The following TYW1B variants were observed in gnomAD, a reference collection of about 807,000 sequenced individuals.
TYW1B encodes the protein tRNA-yW synthesizing protein 1 homolog B, also known as S-adenosyl-L-methionine-dependent tRNA 4-demethylwyosine synthase TYW1B.
In TYW1B, 73 loss-of-function variants were observed where a neutral mutation model predicts 86.9. That is an observed-to-expected ratio of 0.84 (90% CI 0.70 to 1.02). TYW1B has a LOEUF of 1.02. Ranked by LOEUF, TYW1B falls within the 50% of genes least tolerant of loss-of-function variation. The probability of loss-of-function intolerance (pLI) is 0.00; values close to 1 mark genes in which losing one functional copy is unlikely to be tolerated. For synonymous variants in TYW1B, 248 were observed against 292.8 expected, an observed-to-expected ratio of 0.85 and a Z score of 1.56; for missense variants, 637 against 827.4, an observed-to-expected ratio of 0.77 and a Z score of 2.82.
rs782195048 is a variant in TYW1B at position 72,575,169 on chromosome 7, G to C, written c.*329C>G. Reference sequence around the variant, plus strand: ...ATTTCTTCCTTGTCTGACACTCTCAGGACTAGCATTCTGGCAGGTCTTAGA... The same window carrying C: ...ATTTCTTCCTTGTCTGACACTCTCACGACTAGCATTCTGGCAGGTCTTAGA... On this transcript the variant is annotated 3_prime_UTR_variant, in exon 14 of 14. Coordinates refer to ENST00000620995, the MANE Select transcript of TYW1B (RefSeq NM_001145440.3). 7 of 1,113,988 alleles carry C rather than the reference G, an allele frequency of 6.3e-6. No homozygotes were observed. The highest frequency in any genetic ancestry group is 7.7e-6 in the Non-Finnish European group (7 of 910,180). The allele number at this position is 1,113,988 out of a possible 1,614,324, so 69.0% of individuals were successfully genotyped here. A position where few individuals can be genotyped will look rare whatever the true frequency, so the allele number is the denominator to read the frequency against.
intron 13 of TYW1B, among the ~76,000 whole-genome samples, chr7:72,591,264 G>A (rs1484035343): frequency 6.6e-6 from 1 of 152,084 alleles, no homozygotes; most frequent in African/African-American, 2.4e-5. Context: ...GAAGACGACA[G>A]AGAGAATGCT....
rs60686482 is a variant in TYW1B at position 72,800,707 on chromosome 7, CA to C, written c.846+1692del. On this transcript the variant is annotated intron_variant, in intron 6 of 13. Coordinates refer to ENST00000620995, the MANE Select transcript of TYW1B (RefSeq NM_001145440.3). The stretch of plus-strand genomic sequence containing the variant: ...CTTGACAGAGCAAGACTCGAAAAGT[CA>C]AAAAAAAAAAAAAAAAAAGGCAGAC... Among the ~76,000 whole-genome samples, 511 of 127,886 alleles carry C rather than the reference CA, an allele frequency of 4.0e-3. 5 individuals are homozygous for C. The highest frequency in any genetic ancestry group is 5.3e-3 in the Non-Finnish European group (324 of 61,576). 83.9% of individuals were successfully genotyped at this position (127,886 alleles called of 152,430 possible). A position where few individuals can be genotyped will look rare whatever the true frequency, so the allele number is the denominator to read the frequency against.
At chr7:72,772,425 T>C (rs1563089066) in intron 7 of TYW1B, among the ~76,000 whole-genome samples, 1 of 152,328 alleles carries the variant, frequency 6.6e-6, no homozygotes, top group East Asian at 1.9e-4. Flanking sequence ...CTATCATCAG[T>C]AATCTTTGAA....
intron 9 of TYW1B, among the ~76,000 whole-genome samples, chr7:72,721,240 A>C (rs1786895719): frequency 1.3e-5 from 2 of 152,218 alleles, no homozygotes; most frequent in Admixed American, 1.3e-4. Context: ...AGCATGATTT[A>C]TAATCCTTTG....
At chr7:72,713,886 G>T (rs1439240430) in intron 9 of TYW1B, 88 bp from the exon 10 acceptor site, 119 of 1,367,882 alleles carry the variant, frequency 8.7e-5, no homozygotes, top group Non-Finnish European at 1.1e-4. Flanking sequence ...ATTTTATAGA[G>T]CAAATTCATT....
intron 13 of TYW1B, among the ~76,000 whole-genome samples, chr7:72,584,428 T>C (rs1811226230): frequency 1.3e-5 from 2 of 152,200 alleles, no homozygotes; most frequent in Admixed American, 6.5e-5. Flanking sequence ...GTTTAACTTA[T>C]CTAAAACTTA....
rs1478262138 is a variant in TYW1B at position 72,828,146 on chromosome 7, G to C, written c.-71C>G. 2 of 1,605,276 alleles carry C rather than the reference G, an allele frequency of 1.2e-6. No homozygotes were observed. The highest frequency in any genetic ancestry group is 1.7e-6 in the Non-Finnish European group (2 of 1,176,160). On this transcript the variant is annotated 5_prime_UTR_variant, in exon 1 of 14. Transcript: ENST00000620995. ...CCAAAGGTTCGCACTGGTACTGCGA[G>C]ACGCACCGAGCTACCTCGCGGCGTT...
intron 6 of TYW1B, among the ~76,000 whole-genome samples, chr7:72,792,659 C>CA (rs1449865474): frequency 6.6e-6 from 1 of 152,068 alleles, no homozygotes; most frequent in African/African-American, 2.4e-5. Context: ...TTATATCAGC[C>CA]ACAAAAAATA....
chr7:72,771,576 A>T (rs1459218641), intron 7 of TYW1B, among the ~76,000 whole-genome samples: 2 of 152,168 alleles, frequency 1.3e-5, no homozygotes, highest in Non-Finnish European at 2.9e-5. Flanking sequence ...CTGAATAAAA[A>T]CAAACAAAAA....
In TYW1B at chr7:72,692,533, T is replaced by C. The variant is rs1814195931; in HGVS notation, c.1506+2154A>G. ...AGTCTCCAAGAAAAAAATGGAAGCA[T>C]TTATCAAATACCTTAAAGTGTACTA... On this transcript the variant is annotated intron_variant, in intron 11 of 13. Transcript: ENST00000620995. 2.0e-5 allele frequency among the ~76,000 whole-genome samples: 3 copies of C among 151,874 alleles called. No individual in the cohort carries two copies. The South Asian group carries it at 6.2e-4, about 32-fold the overall frequency.
At chr7:72,668,922 ATCTG>A (rs1813527424) in intron 11 of TYW1B, among the ~76,000 whole-genome samples, 1 of 152,062 alleles carries the variant, frequency 6.6e-6, no homozygotes, top group African/African-American at 2.4e-5. Context: ...TCCTGAAACT[ATCTG>A]TCTCCCACAC....
At chr7:72,670,722 T>G (rs1174994750) in intron 11 of TYW1B, among the ~76,000 whole-genome samples, 51 of 152,294 alleles carry the variant, frequency 3.3e-4, no homozygotes. Context: ...TAAAAATGTC[T>G]GAACACTTCC....
At chr7:72,814,781 G>C (rs1433428288) in intron 3 of TYW1B, among the ~76,000 whole-genome samples, 1 of 150,768 alleles carries the variant, frequency 6.6e-6, no homozygotes, top group Non-Finnish European at 1.5e-5. Flanking sequence ...AAAAATAGTA[G>C]GGGTCAGGCA....
In TYW1B at chr7:72,629,835, G is replaced by A. The variant is rs114935025; in HGVS notation, c.1507-838C>T. Among the ~76,000 whole-genome samples, 489 of 152,118 alleles carry A rather than the reference G, an allele frequency of 3.2e-3. 2 individuals carry two copies. The highest frequency in any genetic ancestry group is 0.011 in the African/African-American group (472 of 41,474). On this transcript the variant is annotated intron_variant, in intron 11 of 13. Coordinates refer to ENST00000620995, the MANE Select transcript of TYW1B (RefSeq NM_001145440.3). ...AGGGCTGGGATTATAGGCGCACACC[G>A]AGCCAAGCTAGATTTCTGAAAATGT...
chr7:72,633,813 A>T (rs149894485), intron 11 of TYW1B, among the ~76,000 whole-genome samples: 1,878 of 152,084 alleles, frequency 0.012, 30 homozygotes, highest in African/African-American at 0.04. Context: ...CATTCCCTAA[A>T]CATTTGGATT....
intron 13 of TYW1B, among the ~76,000 whole-genome samples, chr7:72,592,255 T>C (rs1585831296): frequency 6.6e-6 from 1 of 151,426 alleles, no homozygotes; most frequent in East Asian, 1.9e-4. Flanking sequence ...CATCAACAAC[T>C]GAAATGAGTG....
chr7:72,733,435 G>A (rs1359789985), intron 8 of TYW1B, among the ~76,000 whole-genome samples: 13 of 152,070 alleles, frequency 8.5e-5, no homozygotes, highest in East Asian at 5.8e-4. Flanking sequence ...CAAGGCGGGC[G>A]GATCATGAAT....
intron 6 of TYW1B, among the ~76,000 whole-genome samples, chr7:72,799,506 C>A (rs1222398505): frequency 2.0e-5 from 3 of 150,848 alleles, no homozygotes; most frequent in African/African-American, 4.9e-5. Flanking sequence ...CGCTCTGTCA[C>A]CCAGGCTGGA....
intron 11 of TYW1B, among the ~76,000 whole-genome samples, chr7:72,686,538 T>C (rs1394766758): frequency 6.6e-6 from 1 of 152,138 alleles, no homozygotes; most frequent in Non-Finnish European, 1.5e-5. Context: ...CATCCATGGT[T>C]GCCAGGGATG....
Sources: gnomAD v4.1 joint callset for allele counts (sites outside exome capture counted in the v4.1 genomes callset) on GRCh38, gnomAD v4.1.1 for gene constraint, MANE v1.5 for transcripts, NCBI Gene and HGNC (gene_info 2026-07-23, HGNC 2026-07-21) for gene names.